Variants in GALNT2 observed in about 807,000 individuals in gnomAD.
The protein encoded by GALNT2 is UDP-GalNAc:polypeptide N-acetylgalactosaminyltransferase 2.
A neutral mutation model predicts 81.4 loss-of-function variants in GALNT2; 31 were observed. The ratio of observed to expected loss-of-function variants is 0.38; its 90% CI spans 0.29 to 0.51. The LOEUF (loss-of-function observed/expected upper bound fraction) is 0.51, where lower values mean the gene tolerates loss of function less well. Ranked by LOEUF, GALNT2 falls within the 20% of genes least tolerant of loss-of-function variation. The pLI is 0.87. For synonymous variants in GALNT2, 303 were observed against 287.4 expected (o/e 1.05, Z -0.55); for missense variants, 629 against 765.7 (o/e 0.82, Z 2.11).
Position 230,188,975 on chromosome 1 carries a change from G to A in GALNT2, c.220+10664G>A, listed in dbSNP as rs572745251. ...CTGGCAGAAGGACTGGCAAAGGAGC[G>A]GGGGCCGGAAGAGGAGCAGGGGCCA... is the stretch of plus-strand genomic sequence containing the variant. On this transcript the variant is annotated intron_variant, in intron 2 of 15. Transcript: ENST00000366672. Among the ~76,000 whole-genome samples, 214 of 128,368 alleles carry A rather than the reference G, an allele frequency of 1.7e-3. 5 individuals are homozygous for A. The South Asian group carries it at 0.037, about 22-fold the overall frequency. 84.2% of individuals were successfully genotyped at this position (128,368 alleles called of 152,430 possible).
intron 7 of GALNT2, among the ~76,000 whole-genome samples, chr1:230,245,247 T>C (rs1004677000): frequency 6.6e-6 from 1 of 152,088 alleles, no homozygotes; most frequent in Non-Finnish European, 1.5e-5. Context: ...GCAGATCACC[T>C]GAGGTCAGAA....
intron 13 of GALNT2, 70 bp from the exon 14 acceptor site, chr1:230,265,171 C>G: frequency 6.2e-7 from 1 of 1,607,078 alleles, no homozygotes; most frequent in Non-Finnish European, 8.5e-7. Flanking sequence ...GGCCACTGAG[C>G]AAAGGGGCTG....
chr1:230,243,341 G>A lies in GALNT2; in HGVS notation c.643G>A (p.Ala215Thr). 1.2e-6 allele frequency: 2 copies of A among 1,610,466 alleles called. No individual in the cohort carries two copies. The highest frequency in any genetic ancestry group is 1.7e-6 in the Non-Finnish European group (2 of 1,179,496). ...MRSRVRGADA[A>T]QAKVLTFLDS... is the part of the protein sequence containing the mutation. ...CTCACGGGTTCGGGGGGCCGATGCT[G>A]CCCAAGCCAAGGTCCTGACCTTCCT... is the stretch of plus-strand genomic sequence containing the variant. The change falls in exon 7 of 16, where the codon GCC becomes ACC. Residue 215 changes from alanine (A) to threonine (T), a missense_variant. Coordinates refer to ENST00000366672, the MANE Select transcript of GALNT2 (RefSeq NM_004481.5). This position sits in a 1 kb window ranked among gnomAD's most constrained non-coding sequence, Gnocchi z 4.2.
chr1:230,211,134 G>A (rs1287547727), intron 3 of GALNT2, among the ~76,000 whole-genome samples: 5 of 152,274 alleles, frequency 3.3e-5, no homozygotes, highest in East Asian at 1.9e-4. Flanking sequence ...GGCAGCTCGC[G>A]GCGTCTCATA....
At chr1:230,136,611 C>T (rs986155423) in intron 1 of GALNT2, among the ~76,000 whole-genome samples, 4 of 152,182 alleles carry the variant, frequency 2.6e-5, no homozygotes, top group South Asian at 2.1e-4. Context: ...TCACACACTC[C>T]GCAGCGGCTC....
rs180878775 is a variant in GALNT2, at chr1:230,172,659, G to A, written c.127-5559G>A. Among the ~76,000 whole-genome samples the A allele has an allele frequency of 1.6e-4, 24 of 152,216 alleles. 1 individual carries two copies. The South Asian group carries it at 3.5e-3, about 22-fold the overall frequency. On this transcript the variant is annotated intron_variant, in intron 1 of 15. Coordinates refer to ENST00000366672, the MANE Select transcript of GALNT2 (RefSeq NM_004481.5). ...CACTGTACCTCCTCATCCCCACGGC[G>A]CCTTTCCTCCTCCACTCCCCTGACC...
intron 15 of GALNT2, 109 bp downstream of exon 15, chr1:230,274,673 T>C: frequency 7.5e-7 from 1 of 1,329,754 alleles, no homozygotes; most frequent in Non-Finnish European, 1.0e-6. Flanking sequence ...TCTCTGCGTG[T>C]ACTTATGTGT....
intron 12 of GALNT2, 21 bp downstream of exon 12, chr1:230,262,686 C>G (rs1665914156): frequency 1.3e-6 from 2 of 1,485,294 alleles, no homozygotes; most frequent in African/African-American, 2.8e-5. Context: ...GTTCTGCCTT[C>G]TCACAATTAC....
chr1:230,084,242 G>A (rs1659835048), intron 1 of GALNT2, among the ~76,000 whole-genome samples: 1 of 152,206 alleles, frequency 6.6e-6, no homozygotes, highest in African/African-American at 2.4e-5. Flanking sequence ...AGGGCAGGCT[G>A]GGGGACGGTC....
At chr1:230,106,906 A>G (rs1457124365) in intron 1 of GALNT2, among the ~76,000 whole-genome samples, 3 of 152,196 alleles carry the variant, frequency 2.0e-5, no homozygotes, top group Admixed American at 6.5e-5. Context: ...AAAGGGCACT[A>G]TTATTTCCCC....
At position 230,157,838 on chromosome 1, in the gene GALNT2, A is replaced by C. The variant is rs377343571; in HGVS notation, c.127-20380A>C. On this transcript the variant is annotated intron_variant, in intron 1 of 15. Transcript: ENST00000366672. ...GGGCTGGAGAAGAGAGTTAACTACAAATGTACTCAGGGGAGTTTTGGAGGA... is the reference window on the plus strand; with the variant it reads ...GGGCTGGAGAAGAGAGTTAACTACACATGTACTCAGGGGAGTTTTGGAGGA... Among the ~76,000 whole-genome samples, 31 of 152,286 alleles carry C rather than the reference A, an allele frequency of 2.0e-4. No homozygotes were observed. The East Asian group carries it at 4.6e-3, about 23-fold the overall frequency.
chr1:230,141,788 C>CTTTTTT (rs60824749), intron 1 of GALNT2, among the ~76,000 whole-genome samples: 43 of 101,312 alleles, frequency 4.2e-4, no homozygotes, highest in Non-Finnish European at 5.6e-4. Flanking sequence ...TTTTGTTTTC[C>CTTTTTT]TTTTTTTTTT....
At chr1:230,149,309 G>A (rs4846908) in intron 1 of GALNT2, among the ~76,000 whole-genome samples, 64,431 of 151,940 alleles carry the variant, frequency 0.42, 13,872 homozygotes, top group Non-Finnish European at 0.46. Flanking sequence ...AGGCCACCTA[G>A]ATTGGACTTG....
chr1:230,249,030 C>T (rs1309692129), intron 8 of GALNT2, among the ~76,000 whole-genome samples, 154 bp from the exon 9 acceptor site: 1 of 152,170 alleles, frequency 6.6e-6, no homozygotes, highest in African/African-American at 2.4e-5. Context: ...CCCCAGTCCC[C>T]TTCTCTCTCC....
chr1:230,104,458 A>G (rs985092527), intron 1 of GALNT2, among the ~76,000 whole-genome samples: 2 of 152,184 alleles, frequency 1.3e-5, no homozygotes, highest in African/African-American at 4.8e-5. Flanking sequence ...GCTCTGTAGC[A>G]TCAGAAATGG....
At chr1:230,106,865 A>T (rs1481920943) in intron 1 of GALNT2, among the ~76,000 whole-genome samples, 1 of 152,192 alleles carries the variant, frequency 6.6e-6, no homozygotes, top group African/African-American at 2.4e-5. Flanking sequence ...CATTCTGTTT[A>T]TATGCACCGT....
At position 230,136,406 on chromosome 1, in the gene GALNT2, G is replaced by C. The variant is rs374237400; in HGVS notation, c.127-41812G>C. 4.6e-5 allele frequency among the ~76,000 whole-genome samples: 7 copies of C among 152,268 alleles called. No homozygotes were observed. In the East Asian group the frequency reaches 1.4e-3, roughly 29 times the overall value. ...GGGCCTGTTCCTGGTGGCCTGAGTT[G>C]TTGAATTGTACTCTTTAGACATCGA... On this transcript the variant is annotated intron_variant, in intron 1 of 15. Transcript: ENST00000366672.
chr1:230,112,800 T>TGGGGGGGGGGGGGGGGGG (rs200649766), intron 1 of GALNT2, among the ~76,000 whole-genome samples: 1 of 76,030 alleles, frequency 1.3e-5, no homozygotes, highest in Non-Finnish European at 2.6e-5. Flanking sequence ...GGCAGGGGGG[T>TGGGGGGGGGGGGGGGGGG]GGGGGGGACC....
chr1:230,065,838 A>C (rs1034534126), upstream of GALNT2, among the ~76,000 whole-genome samples: 4 of 151,658 alleles, frequency 2.6e-5, no homozygotes, highest in Non-Finnish European at 5.9e-5. Flanking sequence ...TTCTTTTCGT[A>C]TTTATCTGAC....
Sources: allele counts gnomAD v4.1 joint callset (sites outside exome capture counted in the v4.1 genomes callset), GRCh38; gene constraint gnomAD v4.1.1; non-coding constraint Gnocchi (gnomAD v3.1); transcripts MANE v1.5; gene names NCBI Gene and HGNC (gene_info 2026-07-23, HGNC 2026-07-21).